The following NIN variants were observed in gnomAD, a reference collection of about 807,000 sequenced individuals.
The protein encoded by NIN is glycogen synthase kinase 3 beta-interacting protein.
NIN carries 137 observed loss-of-function variants against 257.6 expected under a neutral mutation model. The ratio of observed to expected loss-of-function variants is 0.53; its 90% CI spans 0.46 to 0.61. The LOEUF (loss-of-function observed/expected upper bound fraction) is 0.61, where lower values mean the gene tolerates loss of function less well. Ranked by LOEUF, NIN falls within the 20% of genes least tolerant of loss-of-function variation. The probability of loss-of-function intolerance (pLI) is 0.00; values close to 1 mark genes in which losing one functional copy is unlikely to be tolerated. For synonymous variants in NIN, 918 were observed against 919.8 expected, an observed-to-expected ratio of 1.00 and a Z score of 0.04; for missense variants, 2,439 against 2,501.2, an observed-to-expected ratio of 0.98 and a Z score of 0.53.
intron 29 of NIN, chr14:50,727,893 A>C: frequency 1.9e-6 from 1 of 523,496 alleles, no homozygotes; most frequent in Non-Finnish European, 3.4e-6. Flanking sequence ...AGCAACACAA[A>C]ATGCAGAAGA....
chr14:50,764,038 A>C, intron 14 of NIN, 74 bp from the exon 15 acceptor site: 1 of 1,328,700 alleles, frequency 7.5e-7, no homozygotes, highest in South Asian at 1.2e-5. Context: ...CAAAAAAGAT[A>C]AATTGGATAT....
chr14:50,825,065 CAA>C (rs781622242), intron 2 of NIN, among the ~76,000 whole-genome samples: 3 of 152,208 alleles, frequency 2.0e-5, no homozygotes, highest in Non-Finnish European at 4.4e-5. Context: ...ATGAGAATAA[CAA>C]TATCCATCTG....
At chr14:50,781,445 T>C (rs1398895512) in intron 5 of NIN, among the ~76,000 whole-genome samples, 2 of 152,242 alleles carry the variant, frequency 1.3e-5, no homozygotes, top group Non-Finnish European at 2.9e-5. Flanking sequence ...CATTTGAAAA[T>C]AGTGAGCACA....
intron 5 of NIN, among the ~76,000 whole-genome samples, chr14:50,787,015 C>T (rs1417282452): frequency 6.6e-6 from 1 of 152,208 alleles, no homozygotes. Flanking sequence ...CTCCTACCCT[C>T]ATAGTCCCAA....
intron 27 of NIN, 146 bp from the exon 28 acceptor site, chr14:50,735,763 TTCAG>T: frequency 5.7e-6 from 6 of 1,059,842 alleles, no homozygotes; most frequent in East Asian, 2.7e-5. Context: ...AATAATACAA[TTCAG>T]TGTATTGCTT....
intron 29 of NIN, among the ~76,000 whole-genome samples, chr14:50,728,821 G>C (rs1008841238): frequency 6.6e-6 from 1 of 152,114 alleles, no homozygotes; most frequent in African/African-American, 2.4e-5. Flanking sequence ...TGGTGAGCTG[G>C]GATCATGCTA....
At chr14:50,730,851 G>A in intron 28 of NIN, 1 of 1,191,764 alleles carries the variant, frequency 8.4e-7, no homozygotes, top group South Asian at 1.4e-5. Flanking sequence ...ACAATCAACA[G>A]AAATAACATG....
chr14:50,724,350 G>C (rs1347821793), intron 30 of NIN: 1 of 212,154 alleles, frequency 4.7e-6, no homozygotes, highest in Non-Finnish European at 9.5e-6. Flanking sequence ...ATTTCAAGTA[G>C]GGCATCTAAA....
chr14:50,729,755 G>A (rs1044915557), intron 28 of NIN, 32 bp from the exon 29 acceptor site: 3 of 1,521,156 alleles, frequency 2.0e-6, no homozygotes, highest in Admixed American at 2.1e-5. Context: ...CTGTTCAGCT[G>A]AGTCCCTTCA....
chr14:50,729,984 T>A (rs534967340), intron 28 of NIN, among the ~76,000 whole-genome samples: 1 of 152,228 alleles, frequency 6.6e-6, no homozygotes, highest in East Asian at 1.9e-4. Flanking sequence ...TGGAGTGATA[T>A]TAAGGGCACG....
At chr14:50,772,190 CAGAAGTACCATTA>C in intron 9 of NIN, 98 bp downstream of exon 9, 1 of 1,001,938 alleles carries the variant, frequency 1.0e-6, no homozygotes, top group East Asian at 2.6e-5. Flanking sequence ...ACTTTGTGAA[CAGAAGTACCATTA>C]AGAAGAAAGA....
At chr14:50,767,984 C>G (rs1171731411) in intron 12 of NIN, among the ~76,000 whole-genome samples, 1 of 151,092 alleles carries the variant, frequency 6.6e-6, no homozygotes, top group Non-Finnish European at 1.5e-5. Flanking sequence ...AACTAAAACC[C>G]ATAAAAGTTT....
intron 15 of NIN, among the ~76,000 whole-genome samples, chr14:50,763,578 C>T (rs1214706923): frequency 2.6e-5 from 4 of 152,122 alleles, no homozygotes; most frequent in Non-Finnish European, 4.4e-5. Flanking sequence ...AAGCAAATAC[C>T]CTTGTGGTTT....
rs188247837 is a variant in NIN at position 50,726,688 on chromosome 14, T to A, written c.6079-622A>T. 2.6e-4 allele frequency among the ~76,000 whole-genome samples: 39 copies of A among 152,202 alleles called. 1 individual carries two copies. The highest frequency in any genetic ancestry group is 1.9e-3 in the Admixed American group (29 of 15,270). ...ATCAGAGCAGATTGAAAATGAAAAATCTCCTGTTCTCACACAACGGTGATG... is the reference window on the plus strand; with the variant it reads ...ATCAGAGCAGATTGAAAATGAAAAAACTCCTGTTCTCACACAACGGTGATG... On this transcript the variant is annotated intron_variant, in intron 29 of 30. Transcript: ENST00000530997.
At chr14:50,744,423 G>A in intron 22 of NIN, 58 bp from the exon 23 acceptor site, 1 of 1,576,418 alleles carries the variant, frequency 6.3e-7, no homozygotes, top group Non-Finnish European at 8.6e-7. Flanking sequence ...AAGTACAAAG[G>A]GGTATTTCTA....
At chr14:50,787,780 C>T (rs987608641) in intron 5 of NIN, among the ~76,000 whole-genome samples, 4 of 152,218 alleles carry the variant, frequency 2.6e-5, no homozygotes, top group Admixed American at 1.3e-4. Flanking sequence ...CATTCTGCTT[C>T]GGGATTTCCA....
intron 2 of NIN, among the ~76,000 whole-genome samples, chr14:50,826,727 G>T (rs966423300): frequency 6.6e-6 from 1 of 152,158 alleles, no homozygotes; most frequent in African/African-American, 2.4e-5. Flanking sequence ...CGAGTGAAAA[G>T]GGGACAAAGT....
At chr14:50,752,783 A>T (rs750418546) in intron 20 of NIN, 50 bp from the exon 21 acceptor site, 1 of 36,658 alleles carries the variant, frequency 2.7e-5, no homozygotes, top group Admixed American at 1.4e-3. Flanking sequence ...TACTTGTGCT[A>T]AAAAAAAAAA....
At chr14:50,786,330 C>G (rs1223831770) in intron 5 of NIN, among the ~76,000 whole-genome samples, 7 of 134,368 alleles carry the variant, frequency 5.2e-5, no homozygotes, top group African/African-American at 2.0e-4. Flanking sequence ...TAATTCTTGA[C>G]TTCTTGTCTG....
Sources: allele counts gnomAD v4.1 joint callset (sites outside exome capture counted in the v4.1 genomes callset), GRCh38; gene constraint gnomAD v4.1.1; transcripts MANE v1.5; gene names NCBI Gene and HGNC (gene_info 2026-07-23, HGNC 2026-07-21).